Variants in ARHGAP29 observed in about 807,000 individuals in gnomAD.
ARHGAP29 encodes the protein Rho GTPase activating protein 29.
A neutral mutation model predicts 122.6 loss-of-function variants in ARHGAP29; 43 were observed. The observed-to-expected ratio is 0.35, with a 90% CI of 0.27 to 0.45. ARHGAP29 has a LOEUF of 0.45. Ranked by LOEUF, ARHGAP29 falls within the 20% of genes least tolerant of loss-of-function variation. The probability of loss-of-function intolerance (pLI) is 1.00; values close to 1 mark genes in which losing one functional copy is unlikely to be tolerated. For missense variants in ARHGAP29, 1,303 were observed against 1,477.2 expected (o/e 0.88, Z 1.93); for synonymous variants, 506 against 497.1 (o/e 1.02, Z -0.24).
chr1:94,209,193 G>A, intron 4 of ARHGAP29, 61 bp downstream of exon 4: 3 of 1,201,330 alleles, frequency 2.5e-6, no homozygotes, highest in South Asian at 1.3e-5. Context: ...ACTGGATAAT[G>A]CAACATACTC....
In ARHGAP29 at chr1:94,177,993, G is replaced by C. The variant is rs1376459275; in HGVS notation, c.2655C>G (p.Ile885Met). The change falls in exon 21 of 23, where the codon ATC becomes ATG. Residue 885 changes from isoleucine (I) to methionine (M), a missense_variant. Ile to Met is a conservative substitution (Grantham distance 10, BLOSUM62 1). Around this residue, in one of 3 missense-constraint regions of ARHGAP29, gnomAD observed 620 missense variants for 651.2 expected, o/e 0.95. Transcript: ENST00000260526. Reference protein sequence around the residue: ...VEFLITYSQKIFDGSLQPQDV... With the variant: ...VEFLITYSQKMFDGSLQPQDV... ...CTTGTGGTTGTAGGGACCCATCGAA[G>C]ATCTTCTGTGAGTAAGTAATGAGAA... 2 of 1,614,166 alleles carry C rather than the reference G, an allele frequency of 1.2e-6. No homozygotes were observed. Among genetic ancestry groups the C allele is most frequent in the South Asian group, 2.2e-5 (2 of 91,086 alleles).
the ARHGAP29 span, among the ~76,000 whole-genome samples, chr1:94,300,354 T>A: frequency 6.6e-6 from 1 of 152,208 alleles, no homozygotes; most frequent in Non-Finnish European, 1.5e-5. Flanking sequence ...TAGCTCCACT[T>A]TAAAGAAACC....
chr1:94,252,359 A>G (rs564009481), intron 1 of ARHGAP29, among the ~76,000 whole-genome samples: 1 of 152,234 alleles, frequency 6.6e-6, no homozygotes, highest in Non-Finnish European at 1.5e-5. Flanking sequence ...TCCAAGGAAC[A>G]CAATTTTTTC....
chr1:94,298,074 T>A, the ARHGAP29 span, among the ~76,000 whole-genome samples: 1 of 152,214 alleles, frequency 6.6e-6, no homozygotes, highest in Admixed American at 6.5e-5. Context: ...TAGAGTTAAA[T>A]GAAATAATAT....
At chr1:94,280,353 A>G in the ARHGAP29 span, among the ~76,000 whole-genome samples, 4 of 152,178 alleles carry the variant, frequency 2.6e-5, no homozygotes, top group East Asian at 7.7e-4. Flanking sequence ...GTTGGGTGGG[A>G]GACACAATGC....
chr1:94,243,385 T>A (rs1653677045), intron 1 of ARHGAP29, among the ~76,000 whole-genome samples: 1 of 152,048 alleles, frequency 6.6e-6, no homozygotes, highest in African/African-American at 2.4e-5. Context: ...TTGAAACTAG[T>A]AACAGAAAGA....
At chr1:94,196,256 C>A (rs79671353) in intron 12 of ARHGAP29, among the ~76,000 whole-genome samples, 1 of 91,148 alleles carries the variant, frequency 1.1e-5, no homozygotes, top group Non-Finnish European at 1.9e-5. Context: ...CCGTGTTTTT[C>A]TTTTTTTTTT....
In ARHGAP29 at chr1:94,201,754, G is replaced by C. The variant is rs759659645; in HGVS notation, c.1247C>G (p.Thr416Arg). The change falls in exon 12 of 23, where the codon ACA becomes AGA. Residue 416 changes from threonine to arginine, a missense_variant. Coordinates refer to ENST00000260526, the MANE Select transcript of ARHGAP29 (RefSeq NM_004815.4). ...TKREILAQLR[T>R]LVFQCDLTLK... ...GGTAAGATCACACTGGAAAACAAGT[G>C]TCCGGAGTTGTGCTAAAATTTCTCT... The C allele has an allele frequency of 1.2e-6, 2 of 1,613,844 alleles. No homozygotes were observed. Among genetic ancestry groups the C allele is most frequent in the South Asian group, 2.2e-5 (2 of 90,996 alleles).
chr1:94,187,278 G>A (rs1249342208), intron 15 of ARHGAP29, among the ~76,000 whole-genome samples: 3 of 152,160 alleles, frequency 2.0e-5, no homozygotes, highest in East Asian at 3.9e-4. Flanking sequence ...TCACCTTAAC[G>A]TAAGGCCTTA....
At chr1:94,206,063 TATCATTTTACTATATG>T (rs1339922261) in intron 5 of ARHGAP29, among the ~76,000 whole-genome samples, 1 of 152,226 alleles carries the variant, frequency 6.6e-6, no homozygotes, top group Non-Finnish European at 1.5e-5. Flanking sequence ...AGTCATCTTT[TATCATTTTACTATATG>T]ATAAGCATGT....
At chr1:94,294,808 G>A in the ARHGAP29 span, among the ~76,000 whole-genome samples, 1 of 152,192 alleles carries the variant, frequency 6.6e-6, no homozygotes, top group Non-Finnish European at 1.5e-5. Context: ...ATAAGTGGAG[G>A]GGAGAAAATA....
the ARHGAP29 span, among the ~76,000 whole-genome samples, chr1:94,287,410 T>A: frequency 6.6e-6 from 1 of 152,154 alleles, no homozygotes; most frequent in Non-Finnish European, 1.5e-5. Flanking sequence ...AGAAGTTCTT[T>A]GCTTCCCCTT....
chr1:94,174,803 T>A (rs1178989216), intron 22 of ARHGAP29, 54 bp from the exon 23 acceptor site: 3 of 1,553,558 alleles, frequency 1.9e-6, no homozygotes, highest in Non-Finnish European at 2.6e-6. Flanking sequence ...ATAAGAGAGT[T>A]TGAATGAGTT....
chr1:94,299,346 C>T, the ARHGAP29 span, among the ~76,000 whole-genome samples: 2 of 152,170 alleles, frequency 1.3e-5, no homozygotes, highest in African/African-American at 4.8e-5. Context: ...TCTTGTTAAA[C>T]TCATCGCTGG....
chr1:94,226,296 G>A (rs1253951817), intron 2 of ARHGAP29, among the ~76,000 whole-genome samples: 6 of 151,638 alleles, frequency 4.0e-5, no homozygotes, highest in South Asian at 2.1e-4. Context: ...CAGCTACCAG[G>A]GATTATGAAA....
At chr1:94,288,409 A>C in the ARHGAP29 span, among the ~76,000 whole-genome samples, 1 of 152,082 alleles carries the variant, frequency 6.6e-6, no homozygotes, top group African/African-American at 2.4e-5. Context: ...CCTTTGTCAG[A>C]TGGGTAGATT....
intron 1 of ARHGAP29, among the ~76,000 whole-genome samples, chr1:94,274,762 C>G (rs1169901793): frequency 1.3e-5 from 2 of 152,222 alleles, no homozygotes; most frequent in African/African-American, 4.8e-5. Flanking sequence ...CACCACCCAG[C>G]TCCACTCTCC....
chr1:94,264,913 A>G (rs1394170085), intron 1 of ARHGAP29, among the ~76,000 whole-genome samples: 1 of 152,088 alleles, frequency 6.6e-6, no homozygotes, highest in Non-Finnish European at 1.5e-5. Context: ...CTTCTGCCCT[A>G]GCTTTGCCCC....
At chr1:94,232,109 C>T (rs533802706) in intron 1 of ARHGAP29, among the ~76,000 whole-genome samples, 10 of 152,000 alleles carry the variant, frequency 6.6e-5, no homozygotes, top group Non-Finnish European at 1.3e-4. Flanking sequence ...ATGACATCAC[C>T]TTCAAAAATA....
Sources: gnomAD v4.1 joint callset for allele counts (sites outside exome capture counted in the v4.1 genomes callset) on GRCh38, gnomAD v4.1.1 for gene constraint, gnomAD v4.1.1 regional missense constraint, MANE v1.5 for transcripts, NCBI Gene and HGNC (gene_info 2026-07-23, HGNC 2026-07-21) for gene names.